Variants in XIRP2 observed in about 807,000 individuals in gnomAD.
XIRP2 encodes xin actin binding repeat containing 2.
A neutral mutation model predicts 277.0 loss-of-function variants in XIRP2; 236 were observed. The observed-to-expected ratio is 0.85, with a 90% CI of 0.77 to 0.95. The LOEUF (loss-of-function observed/expected upper bound fraction) is 0.95, where lower values mean the gene tolerates loss of function less well. Ranked by LOEUF, XIRP2 falls within the 40% of genes least tolerant of loss-of-function variation. The pLI, the probability that XIRP2 is intolerant of heterozygous loss-of-function variation, is 0.00. For synonymous variants in XIRP2, 1,490 were observed against 1,416.5 expected (o/e 1.05, Z -1.17); for missense variants, 4,640 against 4,157.5 (o/e 1.12, Z -3.19).
chr2:167,180,404 A>G (rs562229093), intron 3 of XIRP2, among the ~76,000 whole-genome samples: 13 of 152,138 alleles, frequency 8.5e-5, no homozygotes, highest in Non-Finnish European at 1.6e-4. Flanking sequence ...CTCCTGTGTT[A>G]TGGAAAAATT....
At chr2:166,982,205 A>T (rs1686887940) in intron 2 of XIRP2, among the ~76,000 whole-genome samples, 1 of 151,498 alleles carries the variant, frequency 6.6e-6, no homozygotes, top group African/African-American at 2.4e-5. Flanking sequence ...TGATAAAGAG[A>T]TATTCATAAC....
intron 3 of XIRP2, among the ~76,000 whole-genome samples, chr2:167,164,690 C>A (rs1692471156): frequency 6.6e-6 from 1 of 152,180 alleles, no homozygotes; most frequent in East Asian, 1.9e-4. Context: ...ATTATATTCA[C>A]CTCCAGTATA....
chr2:166,937,271 C>T (rs12620482), intron 2 of XIRP2, among the ~76,000 whole-genome samples: 1 of 152,112 alleles, frequency 6.6e-6, no homozygotes, highest in African/African-American at 2.4e-5. Context: ...CCATCAACAC[C>T]TAATTTATTG....
At chr2:167,141,931 T>C (rs1691730063) in intron 3 of XIRP2, among the ~76,000 whole-genome samples, 1 of 152,172 alleles carries the variant, frequency 6.6e-6, no homozygotes, top group South Asian at 2.1e-4. Flanking sequence ...TCCTAAGGTT[T>C]GAGGCAGAAT....
chr2:166,901,547 C>T (rs1684387968), intron 1 of XIRP2, among the ~76,000 whole-genome samples: 1 of 152,032 alleles, frequency 6.6e-6, no homozygotes. Flanking sequence ...TCAGCTTTCC[C>T]TTTCCAACTA....
intron 2 of XIRP2, among the ~76,000 whole-genome samples, chr2:166,961,126 T>C (rs1296346059): frequency 6.6e-6 from 1 of 151,758 alleles, no homozygotes; most frequent in Non-Finnish European, 1.5e-5. Context: ...GGAGAATTTT[T>C]TGCAGAGAGC....
chr2:167,114,941 G>T (rs998906357), intron 2 of XIRP2, among the ~76,000 whole-genome samples: 1 of 151,920 alleles, frequency 6.6e-6, no homozygotes, highest in Admixed American at 6.6e-5. Flanking sequence ...ATGATTTATA[G>T]TCCTTTGGGT....
intron 3 of XIRP2, among the ~76,000 whole-genome samples, chr2:167,177,559 A>G (rs1355338326): frequency 6.6e-6 from 1 of 152,188 alleles, no homozygotes; most frequent in Non-Finnish European, 1.5e-5. Context: ...ATTTGTAGGC[A>G]TTTAGATTGT....
chr2:167,156,015 A>C (rs985329319), intron 3 of XIRP2, among the ~76,000 whole-genome samples: 7 of 150,544 alleles, frequency 4.6e-5, no homozygotes, highest in Non-Finnish European at 7.4e-5. Flanking sequence ...AAAGAGAATA[A>C]AATACCTAGG....
chr2:167,098,571 G>T (rs2105283407), intron 2 of XIRP2, among the ~76,000 whole-genome samples: 1 of 152,308 alleles, frequency 6.6e-6, no homozygotes, highest in Non-Finnish European at 1.5e-5. Context: ...TCTCCATCCG[G>T]TTTTGTTCCC....
At chr2:166,983,736 G>A (rs1338591815) in intron 2 of XIRP2, among the ~76,000 whole-genome samples, 1 of 152,170 alleles carries the variant, frequency 6.6e-6, no homozygotes, top group African/African-American at 2.4e-5. Context: ...AAGACAAAGA[G>A]CCAGGGGAGA....
chr2:167,227,205 T>C (rs1307250006), intron 5 of XIRP2, among the ~76,000 whole-genome samples: 1 of 152,106 alleles, frequency 6.6e-6, no homozygotes, highest in African/African-American at 2.4e-5. Context: ...GACATTTCTC[T>C]TGAGATAACT....
chr2:167,071,434 G>A (rs1395083742), intron 2 of XIRP2, among the ~76,000 whole-genome samples: 2 of 152,224 alleles, frequency 1.3e-5, no homozygotes, highest in African/African-American at 4.8e-5. Flanking sequence ...GTTCCGACAC[G>A]CCGGAACAAG....
chr2:167,104,699 C>T (rs996596569), intron 2 of XIRP2, among the ~76,000 whole-genome samples: 1 of 151,824 alleles, frequency 6.6e-6, no homozygotes, highest in Non-Finnish European at 1.5e-5. Flanking sequence ...TTATTTCTTC[C>T]CACATGAAAT....
intron 7 of XIRP2, 41 bp downstream of exon 7, chr2:167,240,777 T>C: frequency 6.4e-7 from 1 of 1,557,400 alleles, no homozygotes; most frequent in Non-Finnish European, 8.9e-7. Context: ...TCCTTTCTCC[T>C]ATTGATGTGT....
intron 2 of XIRP2, among the ~76,000 whole-genome samples, chr2:166,925,668 C>G (rs1290653635): frequency 6.8e-6 from 1 of 147,576 alleles, no homozygotes; most frequent in Non-Finnish European, 1.5e-5. Context: ...TCCAACTATT[C>G]TCATAGGGAA....
intron 2 of XIRP2, among the ~76,000 whole-genome samples, chr2:167,022,308 G>A (rs1021306091): frequency 5.4e-4 from 82 of 151,932 alleles, no homozygotes; most frequent in Non-Finnish European, 5.7e-4. Flanking sequence ...AAAGTAAAAA[G>A]CAGGAAAATT....
At chr2:167,152,590 C>CTATCTCT (rs1264476000) in intron 3 of XIRP2, among the ~76,000 whole-genome samples, 7 of 152,114 alleles carry the variant, frequency 4.6e-5, no homozygotes, top group African/African-American at 1.4e-4. Context: ...AAAATATTTA[C>CTATCTCT]TATCTCTTAT....
At position 166,900,894 on chromosome 2, in the gene XIRP2, T is replaced by G. The variant is rs567938932; in HGVS notation, c.-18-2571T>G. Among the ~76,000 whole-genome samples, 5 of 152,260 alleles carry G rather than the reference T, an allele frequency of 3.3e-5. No homozygotes were observed. In the East Asian group the frequency reaches 7.8e-4, roughly 24 times the overall value. On this transcript the variant is annotated intron_variant, in intron 1 of 10. Coordinates refer to ENST00000409195, the MANE Select transcript of XIRP2 (RefSeq NM_152381.6). ...GGGGTAGAAGTACAGGATCTTCACA[T>G]GGCTTCCACTGACATCTAGAGGAGC...
Sources: gnomAD v4.1 joint callset for allele counts (sites outside exome capture counted in the v4.1 genomes callset) on GRCh38, gnomAD v4.1.1 for gene constraint, MANE v1.5 for transcripts, NCBI Gene and HGNC (gene_info 2026-07-23, HGNC 2026-07-21) for gene names.